The following MYO5B variants were observed in gnomAD, a reference collection of about 807,000 sequenced individuals.
MYO5B encodes myosin VB, also known as unconventional myosin-Vb.
A neutral mutation model predicts 229.3 loss-of-function variants in MYO5B; 143 were observed. The ratio of observed to expected loss-of-function variants is 0.62; its 90% CI spans 0.54 to 0.72. The LOEUF is 0.72. Among genes scored for constraint, MYO5B ranks in the 30% least tolerant of loss-of-function variants. The pLI, the probability that MYO5B is intolerant of heterozygous loss-of-function variation, is 0.00. For synonymous variants in MYO5B, 918 were observed against 885.2 expected (o/e 1.04, Z -0.66); for missense variants, 2,321 against 2,331.0 (o/e 1.00, Z 0.09).
At chr18:50,006,353 T>C (rs1043894875) in intron 4 of MYO5B, among the ~76,000 whole-genome samples, 2 of 152,238 alleles carry the variant, frequency 1.3e-5, no homozygotes, top group African/African-American at 4.8e-5. Flanking sequence ...AAGCCACCTC[T>C]CCTGAGCCCA....
chr18:49,996,945 A>G (rs2025994260), intron 5 of MYO5B, among the ~76,000 whole-genome samples: 1 of 152,208 alleles, frequency 6.6e-6, no homozygotes, highest in Admixed American at 6.5e-5. Context: ...TCTTGTAAAA[A>G]TGGGTTAACA....
At chr18:49,984,536 A>C (rs2144299765) in intron 8 of MYO5B, among the ~76,000 whole-genome samples, 182 bp downstream of exon 8, 1 of 152,298 alleles carries the variant, frequency 6.6e-6, no homozygotes, top group African/African-American at 2.4e-5. Flanking sequence ...CCAAATTTTA[A>C]GTTCTAGAGC....
At position 50,194,823 on chromosome 18, in the gene MYO5B, G is replaced by A; in HGVS notation, c.-30C>T. The A allele has an allele frequency of 7.6e-7, 1 of 1,309,890 alleles. No homozygotes were observed. Among genetic ancestry groups the A allele is most frequent in the Non-Finnish European group, 9.7e-7 (1 of 1,034,584 alleles). 81.1% of individuals were successfully genotyped at this position (1,309,890 alleles called of 1,614,324 possible). On this transcript the variant is annotated 5_prime_UTR_variant, in exon 1 of 40. Coordinates refer to ENST00000285039, the MANE Select transcript of MYO5B (RefSeq NM_001080467.3). ...CGGGCCGGGCGGGGCTCGGGCCCCG[G>A]CTCCTGGCTGCCCCGCGGCTCTCAG... is the stretch of plus-strand genomic sequence containing the variant.
intron 4 of MYO5B, among the ~76,000 whole-genome samples, chr18:50,007,921 G>A (rs2026120102): frequency 6.6e-6 from 1 of 152,182 alleles, no homozygotes; most frequent in African/African-American, 2.4e-5. Flanking sequence ...AGTTTGGAAA[G>A]GTCAAATGAT....
At chr18:49,843,742 G>A (rs2024091524) in intron 33 of MYO5B, among the ~76,000 whole-genome samples, 1 of 152,212 alleles carries the variant, frequency 6.6e-6, no homozygotes, top group South Asian at 2.1e-4. Flanking sequence ...GGGGCCCATG[G>A]CAAGTGGAAG....
intron 5 of MYO5B, among the ~76,000 whole-genome samples, chr18:49,998,773 A>C (rs927657588): frequency 3.3e-5 from 5 of 152,240 alleles, no homozygotes; most frequent in African/African-American, 1.2e-4. Context: ...CAAAAGGACT[A>C]GTATATGATT....
chr18:50,161,207 A>C (rs2032759726), intron 1 of MYO5B, among the ~76,000 whole-genome samples: 1 of 152,186 alleles, frequency 6.6e-6, no homozygotes, highest in African/African-American at 2.4e-5. Context: ...AACATGGTGA[A>C]TCTCCACCTC....
intron 38 of MYO5B, 46 bp from the exon 39 acceptor site, chr18:49,835,470 G>T: frequency 8.0e-7 from 1 of 1,254,696 alleles, no homozygotes; most frequent in African/African-American, 1.5e-5. Flanking sequence ...AAATGAACAT[G>T]AGACAACTTT....
chr18:50,077,694 C>T (rs961495303), intron 1 of MYO5B, among the ~76,000 whole-genome samples: 44 of 152,114 alleles, frequency 2.9e-4, no homozygotes, highest in Admixed American at 2.7e-3. Flanking sequence ...CTTAAAACAA[C>T]GCAACTTCAA....
At chr18:49,859,985 G>T (rs1011587682) in intron 29 of MYO5B, among the ~76,000 whole-genome samples, 2 of 151,710 alleles carry the variant, frequency 1.3e-5, no homozygotes, top group South Asian at 4.2e-4. Flanking sequence ...GTGTATTGGC[G>T]GGGGGCGGCG....
chr18:49,994,214 T>A (rs747052865), intron 5 of MYO5B, among the ~76,000 whole-genome samples: 1 of 152,174 alleles, frequency 6.6e-6, no homozygotes, highest in African/African-American at 2.4e-5. Flanking sequence ...CCTTAGCCCA[T>A]ATGCGGTTAA....
chr18:50,072,670 A>AG (rs1304587302), intron 1 of MYO5B, among the ~76,000 whole-genome samples: 11 of 152,234 alleles, frequency 7.2e-5, no homozygotes, highest in African/African-American at 2.4e-4. Context: ...TTTTGCTAAC[A>AG]GTGTAGTTAA....
intron 17 of MYO5B, among the ~76,000 whole-genome samples, chr18:49,920,744 T>C (rs182911349): frequency 2.6e-5 from 4 of 152,314 alleles, no homozygotes; most frequent in South Asian, 4.1e-4. Context: ...GCAGGATGCA[T>C]TTTTAAATCA....
chr18:49,897,367 T>C (rs1257315778), intron 21 of MYO5B, among the ~76,000 whole-genome samples: 1 of 152,178 alleles, frequency 6.6e-6, no homozygotes, highest in African/African-American at 2.4e-5. Context: ...ATACTGACGA[T>C]CCTGACCTTG....
At chr18:49,852,179 T>C (rs2024209156) in intron 31 of MYO5B, among the ~76,000 whole-genome samples, 1 of 152,240 alleles carries the variant, frequency 6.6e-6, no homozygotes, top group East Asian at 1.9e-4. Context: ...GGCAACCTTG[T>C]GTTGGTGTGC....
chr18:49,863,476 A>T, intron 28 of MYO5B, 149 bp from the exon 29 acceptor site: 5 of 726,050 alleles, frequency 6.9e-6, no homozygotes, highest in Non-Finnish European at 1.2e-5. Flanking sequence ...CGCCAGGAAC[A>T]TGACTCCAAA....
intron 1 of MYO5B, among the ~76,000 whole-genome samples, chr18:50,087,164 G>T (rs2031347630): frequency 6.6e-6 from 1 of 152,146 alleles, no homozygotes; most frequent in Non-Finnish European, 1.5e-5. Context: ...CTTCCTTAAA[G>T]CCACAGCCAG....
chr18:50,040,541 C>G (rs1423568875), intron 2 of MYO5B, among the ~76,000 whole-genome samples: 2 of 152,174 alleles, frequency 1.3e-5, no homozygotes, highest in African/African-American at 2.4e-5. Context: ...GAAACATAAC[C>G]AGGTCTAAGA....
Position 49,847,028 on chromosome 18 carries a change from G to A in MYO5B, c.4459+118C>T, listed in dbSNP as rs540566798. On this transcript the variant is annotated intron_variant, in intron 33 of 39. Coordinates refer to ENST00000285039, the MANE Select transcript of MYO5B (RefSeq NM_001080467.3). ...CAGGTGCAAGGGCAAGTAGGAGACA[G>A]AGGGTGGGGGCTGTGCAGGAGGTGA... 121 of 1,326,058 alleles carry A rather than the reference G, an allele frequency of 9.1e-5. No individual in the cohort carries two copies. In the African/African-American group the frequency reaches 1.5e-3, roughly 17 times the overall value. 82.1% of individuals were successfully genotyped at this position (1,326,058 alleles called of 1,614,324 possible).
Sources: allele counts gnomAD v4.1 joint callset (sites outside exome capture counted in the v4.1 genomes callset), GRCh38; gene constraint gnomAD v4.1.1; transcripts MANE v1.5; gene names NCBI Gene and HGNC (gene_info 2026-07-23, HGNC 2026-07-21).